PLEKHG2: variants seen among roughly 807,000 people sequenced by gnomAD.
The protein encoded by PLEKHG2 is pleckstrin homology and RhoGEF domain containing G2, also known as pleckstrin homology domain-containing family G member 2.
A neutral mutation model predicts 104.4 loss-of-function variants in PLEKHG2; 71 were observed. That is an observed-to-expected ratio of 0.68 (90% CI 0.56 to 0.83). The LOEUF (loss-of-function observed/expected upper bound fraction) is 0.83. Among genes scored for constraint, PLEKHG2 ranks in the 40% least tolerant of loss-of-function variants. The probability of loss-of-function intolerance (pLI) is 0.00; values close to 1 mark genes in which losing one functional copy is unlikely to be tolerated. For synonymous variants in PLEKHG2, 728 were observed against 737.0 expected, an observed-to-expected ratio of 0.99 and a Z score of 0.20; for missense variants, 1,730 against 1,809.4, an observed-to-expected ratio of 0.96 and a Z score of 0.80.
Position 39,414,099 on chromosome 19 carries a change from G to T in PLEKHG2, c.13G>T (p.Ala5Ser), listed in dbSNP as rs775873287. MPEGAQGLSLSKPSP... is the reference protein window; with the variant it reads MPEGSQGLSLSKPSP... ...GGGCCGCTCAGCCATGCCTGAGGGA[G>T]CCCAAGGACTGAGCCTCTCCAAACC... The change falls in exon 2 of 19, where the codon GCC (alanine) becomes TCC (serine). Residue 5 changes from alanine to serine, a missense_variant. By Grantham distance (99) the Ala-to-Ser change is moderately conservative. Transcript: ENST00000425673. The T allele has an allele frequency of 6.4e-7, 1 of 1,551,374 alleles. No homozygotes were observed. The highest frequency in any genetic ancestry group is 1.4e-5 in the African/African-American group (1 of 73,180).
intron 2 of PLEKHG2, 29 bp from the exon 3 acceptor site, chr19:39,414,963 C>A (rs1165364538): frequency 6.4e-7 from 1 of 1,555,528 alleles, no homozygotes; most frequent in Non-Finnish European, 8.7e-7. Context: ...GGGGAGATTT[C>A]TCTGACCTCC....
At chr19:39,417,756 T>TGGGGGGCCTGGGGGGGGGGG in intron 8 of PLEKHG2, 64 bp downstream of exon 8, 1 of 343,354 alleles carries the variant, frequency 2.9e-6, no homozygotes, top group Non-Finnish European at 4.4e-6. Flanking sequence ...TTGGGGCGGG[T>TGGGGGGCCTGGGGGGGGGGG]GGGGGGAAAT....
In PLEKHG2 at chr19:39,422,971, C is replaced by T; in HGVS notation, c.1917C>T (p.Pro639=). 1.2e-6 allele frequency: 2 copies of T among 1,614,196 alleles called. No homozygotes were observed. Among genetic ancestry groups the T allele is most frequent in the Non-Finnish European group, 1.7e-6 (2 of 1,180,006 alleles). The change falls in exon 18 of 19, where the codon CCC becomes CCT. Residue 639 remains proline (P), a synonymous_variant. Transcript: ENST00000425673. ...GCCTTACCAAAATTCCTGACGTGCC[C>T]AACCTTCCTGAAATTCCCAGCCGCT... ...IPCLTKIPDV[P]NLPEIPSRCE... is the part of the protein sequence containing the mutation.
Position 39,417,991 on chromosome 19 carries a change from C to G in PLEKHG2, c.969C>G (p.Gly323=). Residue 323 remains glycine, a synonymous_variant, in exon 9 of 19, where the codon GGC becomes GGG. Coordinates refer to ENST00000425673, the MANE Select transcript of PLEKHG2 (RefSeq NM_022835.3). ...ELVLEGAFRG[G]GGGGPRLRGG... Reference sequence around the variant, plus strand: ...TGTTGGAGGGCGCGTTCCGAGGAGGCGGAGGGGGTGGCCCCCGGCTACGAG... The same window carrying G: ...TGTTGGAGGGCGCGTTCCGAGGAGGGGGAGGGGGTGGCCCCCGGCTACGAG... 1.3e-6 allele frequency: 2 copies of G among 1,552,798 alleles called. No individual in the cohort carries two copies. The highest frequency in any genetic ancestry group is 1.7e-6 in the Non-Finnish European group (2 of 1,151,006).
At chr19:39,422,007 A>C (rs1023186692) in intron 16 of PLEKHG2, 108 bp from the exon 17 acceptor site, 126 of 1,093,278 alleles carry the variant, frequency 1.2e-4, no homozygotes, top group Middle Eastern at 4.8e-4. Context: ...ACAGAGCGAG[A>C]CTCCATCTCA....
At position 39,426,899 on chromosome 19, in the gene PLEKHG2, A is replaced by T. The variant is rs934472924; in HGVS notation, c.*1605A>T. ...CACTCTGTCACCCAGGCTTGAGTGC[A>T]GTGGCAAAATCTTGGCTCATTGCAA... On this transcript the variant is annotated 3_prime_UTR_variant, in exon 19 of 19. Coordinates refer to ENST00000425673, the MANE Select transcript of PLEKHG2 (RefSeq NM_022835.3). The T allele has an allele frequency of 6.7e-6, 1 of 150,316 alleles. No individual in the cohort carries two copies. Among genetic ancestry groups the T allele is most frequent in the Non-Finnish European group, 1.5e-5 (1 of 67,820 alleles). The allele number at this position is 150,316 out of a possible 1,614,324, so 9.3% of individuals were successfully genotyped here. A position where few individuals can be genotyped will look rare whatever the true frequency, so the allele number is the denominator to read the frequency against.
rs975249923 is a variant in PLEKHG2 at position 39,415,739 on chromosome 19, T to C, written c.479+300T>C. On this transcript the variant is annotated intron_variant, in intron 4 of 18. Coordinates refer to ENST00000425673, the MANE Select transcript of PLEKHG2 (RefSeq NM_022835.3). This position sits in a 1 kb window ranked among gnomAD's most constrained non-coding sequence, Gnocchi z 4.6. Reference sequence around the variant, plus strand: ...CATAGCGGATGGGAGTCAGAGGACCTGGATGAAGCCCAAACACTGGGACAG... The same window carrying C: ...CATAGCGGATGGGAGTCAGAGGACCCGGATGAAGCCCAAACACTGGGACAG... 5.9e-5 allele frequency among the ~76,000 whole-genome samples: 9 copies of C among 151,872 alleles called. No homozygotes were observed. Among genetic ancestry groups the C allele is most frequent in the South Asian group, 4.1e-4 (2 of 4,822 alleles).
Position 39,422,951 on chromosome 19 carries a change from AC to A in PLEKHG2, c.1899del (p.Ile635PhefsTer155). 6.2e-7 allele frequency: 1 copy of A among 1,614,084 alleles called. No homozygotes were observed. Among genetic ancestry groups the A allele is most frequent in the Admixed American group, 1.7e-5 (1 of 60,024 alleles). ...TGAAATGCCCAGCATTCCCTGCCTT[AC>A]CAAAATTCCTGACGTGCCCAACCTT... Reference protein sequence around the residue: ...AAEMPSIPCLTKIPDVPNLPE... With the variant: ...AAEMPSIPCLXKIPDVPNLPE... On this transcript the variant is annotated frameshift_variant, in exon 18 of 19. Coordinates refer to ENST00000425673, the MANE Select transcript of PLEKHG2 (RefSeq NM_022835.3). LOFTEE classifies it high-confidence loss of function.
At chr19:39,414,493 G>A (rs145579435) in intron 2 of PLEKHG2, among the ~76,000 whole-genome samples, 1 of 152,310 alleles carries the variant, frequency 6.6e-6, no homozygotes, top group Admixed American at 6.5e-5. Flanking sequence ...AGACAAGGAA[G>A]AGTATTCTAC....
At chr19:39,421,350 T>G in intron 16 of PLEKHG2, 51 bp downstream of exon 16, 10 of 1,586,042 alleles carry the variant, frequency 6.3e-6, no homozygotes, top group Non-Finnish European at 8.7e-6. Context: ...CTGGGTCTGA[T>G]GGAGAAGGGA....
chr19:39,422,082 G>T (rs995908049), intron 16 of PLEKHG2, 33 bp from the exon 17 acceptor site: 2 of 1,584,800 alleles, frequency 1.3e-6, no homozygotes, highest in Non-Finnish European at 1.7e-6. Context: ...AGGAGTCTTG[G>T]CTCTTGCCTT....
intron 9 of PLEKHG2, 66 bp downstream of exon 9, chr19:39,418,171 G>A: frequency 7.5e-7 from 1 of 1,325,754 alleles, no homozygotes. Flanking sequence ...ACCTGTATCT[G>A]TGTGCCCGGC....
intron 10 of PLEKHG2, 31 bp from the exon 11 acceptor site, chr19:39,418,886 G>GC (rs1434975143): frequency 4.4e-6 from 7 of 1,597,600 alleles, no homozygotes; most frequent in South Asian, 1.1e-5. Flanking sequence ...CTCACACCTG[G>GC]CCCCCTGACT....
chr19:39,419,512 C>T (rs1290323684), intron 11 of PLEKHG2, among the ~76,000 whole-genome samples: 4 of 152,130 alleles, frequency 2.6e-5, no homozygotes, highest in African/African-American at 4.8e-5. Flanking sequence ...GAGACCAAGG[C>T]GGGCGGATCA....
chr19:39,420,330 A>G (rs1353294158), intron 11 of PLEKHG2, among the ~76,000 whole-genome samples: 2 of 151,670 alleles, frequency 1.3e-5, no homozygotes, highest in East Asian at 1.9e-4. Context: ...TTGCACTCCA[A>G]CCTCGGCAAC....
chr19:39,423,578 G>A lies in PLEKHG2; in HGVS notation c.2524G>A (p.Ala842Thr). The stretch of plus-strand genomic sequence containing the variant: ...GGCGGAGACTCGGGCATCAGCCAAT[G>A]CCCCGCGCCGCCGGCCTCGGGTTCT... ...QRAETRASAN[A>T]PRRRPRVLAQ... Residue 842 changes from alanine to threonine, a missense_variant, in exon 18 of 19, where the codon GCC (alanine) becomes ACC (threonine). Coordinates refer to ENST00000425673, the MANE Select transcript of PLEKHG2 (RefSeq NM_022835.3). 1 of 1,532,464 alleles carries A rather than the reference G, an allele frequency of 6.5e-7. No individual in the cohort carries two copies. The highest frequency in any genetic ancestry group is 8.8e-7 in the Non-Finnish European group (1 of 1,140,822). The allele number at this position is 1,532,464 out of a possible 1,614,324, so 94.9% of individuals were successfully genotyped here. A position where few individuals can be genotyped will look rare whatever the true frequency, so the allele number is the denominator to read the frequency against.
chr19:39,422,088 G>A, intron 16 of PLEKHG2, 27 bp from the exon 17 acceptor site: 1 of 1,589,462 alleles, frequency 6.3e-7, no homozygotes, highest in Non-Finnish European at 8.6e-7. Context: ...CTTGGCTCTT[G>A]CCTTCCATTG....
rs1281837719 is a variant in PLEKHG2 at position 39,422,160 on chromosome 19, C to T, written c.1549C>T (p.Pro517Ser). The T allele has an allele frequency of 3.1e-6, 5 of 1,612,482 alleles. No homozygotes were observed. In the Admixed American group the frequency reaches 6.7e-5, roughly 22 times the overall value. ...GELYPPESQP[P>S]VSGSAPPEDL... ...ACTCTACCCTCCAGAATCTCAGCCA[C>T]CAGTTTCAGGCTCTGCACCCCCTGA... Residue 517 changes from proline (P) to serine (S), a missense_variant, in exon 17 of 19, where the codon CCA (proline) becomes TCA (serine). Transcript: ENST00000425673.
At chr19:39,421,981 C>A in intron 16 of PLEKHG2, 134 bp from the exon 17 acceptor site, 1 of 908,494 alleles carries the variant, frequency 1.1e-6, no homozygotes, top group East Asian at 3.1e-5. Context: ...GGCGCCATTG[C>A]ACTGCAGGCT....
Sources: gnomAD v4.1 joint callset for allele counts (sites outside exome capture counted in the v4.1 genomes callset) on GRCh38, gnomAD v4.1.1 for gene constraint, Gnocchi (gnomAD v3.1) non-coding constraint, MANE v1.5 for transcripts, NCBI Gene and HGNC (gene_info 2026-07-23, HGNC 2026-07-21) for gene names.